Variants in SPON2 observed in about 807,000 individuals in gnomAD.
SPON2 encodes spondin 2, also known as spondin-2.
SPON2 carries 32 observed loss-of-function variants against 29.9 expected under a neutral mutation model. That is an observed-to-expected ratio of 1.07 (90% CI 0.81 to 1.44). SPON2 has a LOEUF of 1.44. SPON2 is among the 40% of genes most tolerant of loss of function. SPON2 has a pLI of 0.00. For synonymous variants in SPON2, 248 were observed against 209.1 expected, an observed-to-expected ratio of 1.19 and a Z score of -1.61; for missense variants, 541 against 455.5, an observed-to-expected ratio of 1.19 and a Z score of -1.71.
intron 1 of SPON2, among the ~76,000 whole-genome samples, chr4:1,188,557 G>A (rs972437304): frequency 6.6e-5 from 10 of 152,192 alleles, no homozygotes; most frequent in South Asian, 4.2e-4. Context: ...ACAGACCTTC[G>A]GACAAAAGTT....
upstream of SPON2, among the ~76,000 whole-genome samples, chr4:1,195,693 G>A (rs1397217031): frequency 6.6e-6 from 1 of 152,204 alleles, no homozygotes; most frequent in African/African-American, 2.4e-5. Context: ...AGCAGCCCTG[G>A]GATGCCCCTG....
At chr4:1,191,116 C>T (rs1375464185) in intron 1 of SPON2, among the ~76,000 whole-genome samples, 1 of 147,756 alleles carries the variant, frequency 6.8e-6, no homozygotes, top group African/African-American at 2.5e-5. Context: ...AAAGTCTGAT[C>T]CTAAAATTCA....
At chr4:1,190,572 G>T (rs1393575725) in intron 1 of SPON2, among the ~76,000 whole-genome samples, 1 of 152,140 alleles carries the variant, frequency 6.6e-6, no homozygotes, top group African/African-American at 2.4e-5. Context: ...CAACATTTTC[G>T]AAAAGATTAT....
intron 1 of SPON2, among the ~76,000 whole-genome samples, chr4:1,194,654 G>C (rs1363215168): frequency 6.6e-6 from 1 of 152,180 alleles, no homozygotes; most frequent in African/African-American, 2.4e-5. Context: ...CCCCAGCCTG[G>C]AAAGTCTGAG....
upstream of SPON2, among the ~76,000 whole-genome samples, chr4:1,174,508 A>G (rs1368145885): frequency 6.7e-6 from 1 of 149,900 alleles, no homozygotes; most frequent in African/African-American, 2.5e-5. Context: ...AAAAACAAAA[A>G]AACAAAAAAC....
At chr4:1,175,649 G>A (rs1311487278), upstream of SPON2, among the ~76,000 whole-genome samples, 1 of 151,782 alleles carries the variant, frequency 6.6e-6, no homozygotes, top group East Asian at 1.9e-4. Flanking sequence ...GTGGGTGGTA[G>A]TAGGCCCAGG....
chr4:1,182,695 A>G (rs1727720582), intron 1 of SPON2, among the ~76,000 whole-genome samples: 3 of 152,352 alleles, frequency 2.0e-5, no homozygotes, highest in Non-Finnish European at 2.9e-5. Context: ...AATTTTCCAA[A>G]TCTGATGAAA....
rs563419743 is a variant in SPON2, at chr4:1,171,044, G to C, written c.591C>G (p.Phe197Leu). Reference protein sequence around the residue: ...YDAGTDSGFTFSSPNFATIPQ... With the variant: ...YDAGTDSGFTLSSPNFATIPQ... Reference sequence around the variant, plus strand: ...GGATGGTGGCGAAGTTGGGGGAGGAGAAGGTGAAGCCGCTGTCCGTCCCGG... The same window carrying C: ...GGATGGTGGCGAAGTTGGGGGAGGACAAGGTGAAGCCGCTGTCCGTCCCGG... Residue 197 changes from phenylalanine (F) to leucine (L), a missense_variant, in exon 4 of 6, where the codon TTC becomes TTG. Physicochemically the swap from Phe to Leu is conservative, Grantham distance 22. Coordinates refer to ENST00000290902, the MANE Select transcript of SPON2 (RefSeq NM_012445.4). 6 of 1,549,180 alleles carry C rather than the reference G, an allele frequency of 3.9e-6. No homozygotes were observed. In the Admixed American group the frequency reaches 5.9e-5, roughly 15 times the overall value.
chr4:1,167,217 CAGG>C lies in SPON2; in HGVS notation c.*252_*254del, dbSNP rs930952884. On this transcript the variant is annotated 3_prime_UTR_variant, in exon 6 of 6. Transcript: ENST00000290902. ...GAGCCTTGGGGATGACTTTATCCTG[CAGG>C]AGGAGGAGGCTGAGAGCAGACGGGA... 6.3e-6 allele frequency: 3 copies of C among 476,326 alleles called. No homozygotes were observed. The highest frequency in any genetic ancestry group is 3.7e-5 in the South Asian group (1 of 27,006). The allele number at this position is 476,326 out of a possible 1,614,324, so 29.5% of individuals were successfully genotyped here.
At chr4:1,194,140 G>T (rs985664183) in intron 1 of SPON2, among the ~76,000 whole-genome samples, 2 of 152,112 alleles carry the variant, frequency 1.3e-5, no homozygotes, top group African/African-American at 4.8e-5. Context: ...GGCACAGCAG[G>T]CAGTGCCTAT....
In SPON2 at chr4:1,167,289, T is replaced by C. The variant is rs920086907; in HGVS notation, c.*183A>G. 3.2e-5 allele frequency: 19 copies of C among 593,762 alleles called. No homozygotes were observed. Among genetic ancestry groups the C allele is most frequent in the Middle Eastern group, 4.5e-4 (1 of 2,216 alleles). 36.8% of individuals were successfully genotyped at this position (593,762 alleles called of 1,614,324 possible). On this transcript the variant is annotated 3_prime_UTR_variant, in exon 6 of 6. Coordinates refer to ENST00000290902, the MANE Select transcript of SPON2 (RefSeq NM_012445.4). ...GCAAGGTTGGGAAAGGAGGAGGCTGTTTCCCAATGCCCGTGCCGGCCACCA... is the reference window on the plus strand; with the variant it reads ...GCAAGGTTGGGAAAGGAGGAGGCTGCTTCCCAATGCCCGTGCCGGCCACCA...
intron 1 of SPON2, among the ~76,000 whole-genome samples, chr4:1,191,173 G>T (rs1349613000): frequency 1.3e-5 from 2 of 148,952 alleles, no homozygotes; most frequent in Non-Finnish European, 3.0e-5. Context: ...CCCAATAAAA[G>T]AACTAAATTG....
At chr4:1,176,433 G>C (rs557034283), upstream of SPON2, among the ~76,000 whole-genome samples, 1 of 151,546 alleles carries the variant, frequency 6.6e-6, no homozygotes, top group South Asian at 2.1e-4. Flanking sequence ...CATTCAAATA[G>C]TACATTCATT....
intron 1 of SPON2, among the ~76,000 whole-genome samples, chr4:1,194,492 G>A (rs1336164472): frequency 6.6e-5 from 10 of 152,278 alleles, no homozygotes; most frequent in Admixed American, 3.3e-4. Context: ...GCCGGGCCGC[G>A]GTAGCGCAGG....
At chr4:1,184,750 T>G (rs868831434) in intron 1 of SPON2, among the ~76,000 whole-genome samples, 3 of 151,892 alleles carry the variant, frequency 2.0e-5, no homozygotes, top group Non-Finnish European at 4.4e-5. Flanking sequence ...CTGGTCAACA[T>G]AGTGAAACCC....
upstream of SPON2, among the ~76,000 whole-genome samples, chr4:1,198,218 G>C (rs1038193962): frequency 2.0e-5 from 3 of 152,226 alleles, no homozygotes; most frequent in Non-Finnish European, 4.4e-5. Flanking sequence ...GAAACCTGCA[G>C]CAGCCATGTT....
chr4:1,168,633 CAG>C (rs777391934), intron 5 of SPON2, among the ~76,000 whole-genome samples: 17 of 152,360 alleles, frequency 1.1e-4, no homozygotes, highest in Non-Finnish European at 2.2e-4. Context: ...GGGGAGCACA[CAG>C]AGCTGCTGGC....
At chr4:1,171,736 A>C in intron 2 of SPON2, 116 bp downstream of exon 2, 2 of 841,472 alleles carry the variant, frequency 2.4e-6, no homozygotes, top group Non-Finnish European at 3.9e-6. Context: ...CTGGTGTTAG[A>C]GTCTCCCGAC....
chr4:1,206,116 G>A (rs1191077613), intron 1 of SPON2, among the ~76,000 whole-genome samples: 2 of 152,152 alleles, frequency 1.3e-5, no homozygotes, highest in Non-Finnish European at 2.9e-5. Flanking sequence ...ACTGGGCTGG[G>A]GGCTGTCAGG....
Sources: allele counts gnomAD v4.1 joint callset (sites outside exome capture counted in the v4.1 genomes callset), GRCh38; gene constraint gnomAD v4.1.1; transcripts MANE v1.5; gene names NCBI Gene and HGNC (gene_info 2026-07-23, HGNC 2026-07-21).